GPC6: variants seen among roughly 807,000 people sequenced by gnomAD.
GPC6 encodes the protein glypican 6.
GPC6 carries 14 observed loss-of-function variants against 55.2 expected under a neutral mutation model. The observed-to-expected ratio is 0.25, with a 90% CI of 0.17 to 0.40. GPC6 has a LOEUF of 0.40. Among genes scored for constraint, GPC6 ranks in the 10% least tolerant of loss-of-function variants. GPC6 has a pLI of 1.00. For missense variants in GPC6, 641 were observed against 708.5 expected, an observed-to-expected ratio of 0.90 and a Z score of 1.08; for synonymous variants, 278 against 259.6, an observed-to-expected ratio of 1.07 and a Z score of -0.68.
At chr13:93,599,289 A>T (rs1261395341) in intron 2 of GPC6, among the ~76,000 whole-genome samples, 2 of 78,280 alleles carry the variant, frequency 2.6e-5, no homozygotes, top group Non-Finnish European at 3.6e-5. Context: ...ATATTGGTAA[A>T]AAAAAAAAAA....
chr13:94,230,957 G>C (rs1463934977), intron 4 of GPC6, among the ~76,000 whole-genome samples: 3 of 152,070 alleles, frequency 2.0e-5, no homozygotes, highest in African/African-American at 7.2e-5. Flanking sequence ...GTCAGGCTTG[G>C]GGGAAGGGAG....
chr13:94,030,103 T>C (rs543172878), intron 4 of GPC6, among the ~76,000 whole-genome samples: 102 of 151,592 alleles, frequency 6.7e-4, no homozygotes, highest in Non-Finnish European at 1.1e-3. Flanking sequence ...CCCGGGTTCA[T>C]GCCATTCTCC....
chr13:94,005,616 A>C (rs1881986280), intron 3 of GPC6, among the ~76,000 whole-genome samples: 1 of 152,208 alleles, frequency 6.6e-6, no homozygotes, highest in Non-Finnish European at 1.5e-5. Context: ...TGATATCAAC[A>C]AGCCAATTTA....
chr13:93,363,118 T>G lies in GPC6; in HGVS notation c.160+135502T>G, dbSNP rs539376124. Among the ~76,000 whole-genome samples the G allele has an allele frequency of 1.5e-3, 99 of 66,434 alleles. 2 individuals are homozygous for G. In the South Asian group the frequency reaches 0.051, roughly 34 times the overall value. The allele number at this position is 66,434 out of a possible 152,430, so 43.6% of individuals were successfully genotyped here. ...TTTTTTTTTCTTTCCTTTTTTTTTG[T>G]TTTTTTTTTTGTTTTTTTTAAAATT... On this transcript the variant is annotated intron_variant, in intron 1 of 8. Transcript: ENST00000377047.
chr13:93,778,237 T>C (rs1885528105), intron 2 of GPC6, among the ~76,000 whole-genome samples: 1 of 152,174 alleles, frequency 6.6e-6, no homozygotes, highest in Admixed American at 6.6e-5. Context: ...TTCAAAAGAA[T>C]GTTGTTCTCC....
chr13:94,286,117 T>G (rs149505601), intron 4 of GPC6, among the ~76,000 whole-genome samples: 1 of 152,232 alleles, frequency 6.6e-6, no homozygotes, highest in African/African-American at 2.4e-5. Flanking sequence ...TTTGGACTAA[T>G]TTTCTTATTT....
intron 2 of GPC6, among the ~76,000 whole-genome samples, chr13:93,613,530 AACACACACACAC>A (rs10573990): frequency 4.3e-5 from 6 of 139,908 alleles, no homozygotes; most frequent in Non-Finnish European, 7.6e-5. Flanking sequence ...ACACACACAA[AACACACACACAC>A]ACACACACAC....
chr13:93,280,940 T>G (rs539302760), intron 1 of GPC6, among the ~76,000 whole-genome samples: 1 of 152,308 alleles, frequency 6.6e-6, no homozygotes, highest in East Asian at 1.9e-4. Context: ...CAGGCTGTAA[T>G]GCTCGTCCCT....
intron 1 of GPC6, among the ~76,000 whole-genome samples, chr13:93,432,531 G>T (rs555261722): frequency 2.0e-5 from 3 of 152,148 alleles, no homozygotes; most frequent in African/African-American, 7.2e-5. Context: ...CTTCAAAGTT[G>T]CAGTCTTTCT....
chr13:93,349,539 G>A (rs1880555084), intron 1 of GPC6, among the ~76,000 whole-genome samples: 1 of 152,036 alleles, frequency 6.6e-6, no homozygotes, highest in African/African-American at 2.4e-5. Flanking sequence ...GACTATGTAG[G>A]CTGATACATC....
At chr13:93,895,939 TTAGA>T (rs1343691862) in intron 3 of GPC6, among the ~76,000 whole-genome samples, 3 of 151,994 alleles carry the variant, frequency 2.0e-5, no homozygotes, top group African/African-American at 7.2e-5. Context: ...AAAAGTCCAG[TTAGA>T]TAGAACAGAA....
intron 4 of GPC6, among the ~76,000 whole-genome samples, chr13:94,196,509 G>A (rs534042868): frequency 6.6e-6 from 1 of 152,284 alleles, no homozygotes; most frequent in East Asian, 1.9e-4. Context: ...AAGATGCCGG[G>A]TGGTTTCAGA....
intron 1 of GPC6, among the ~76,000 whole-genome samples, chr13:93,533,771 G>C (rs1393000668): frequency 6.6e-6 from 1 of 151,936 alleles, no homozygotes; most frequent in Non-Finnish European, 1.5e-5. Flanking sequence ...TCTTCTTCTT[G>C]AAGTTGCTCT....
chr13:93,416,855 AGAGGCTTGAC>A (rs1480326152), intron 1 of GPC6, among the ~76,000 whole-genome samples: 2 of 152,118 alleles, frequency 1.3e-5, no homozygotes, highest in Non-Finnish European at 2.9e-5. Flanking sequence ...AGTGATGTCC[AGAGGCTTGAC>A]AGCTAATAAA....
intron 4 of GPC6, among the ~76,000 whole-genome samples, chr13:94,082,868 C>G (rs1156393983): frequency 6.6e-6 from 1 of 152,186 alleles, no homozygotes; most frequent in African/African-American, 2.4e-5. Context: ...CAATTCGTCT[C>G]TAGTAATTCT....
chr13:94,143,379 G>C (rs556975777), intron 4 of GPC6, among the ~76,000 whole-genome samples: 1 of 152,054 alleles, frequency 6.6e-6, no homozygotes, highest in Non-Finnish European at 1.5e-5. Flanking sequence ...TTTTGACAGA[G>C]AGTATTTCTA....
chr13:93,356,854 G>A (rs1880865514), intron 1 of GPC6, among the ~76,000 whole-genome samples: 1 of 152,136 alleles, frequency 6.6e-6, no homozygotes, highest in African/African-American at 2.4e-5. Context: ...CTTGTTGGGA[G>A]ATGGATACAG....
chr13:94,265,016 C>T (rs1891756283), intron 4 of GPC6, among the ~76,000 whole-genome samples: 1 of 152,132 alleles, frequency 6.6e-6, no homozygotes, highest in Non-Finnish European at 1.5e-5. Context: ...CCACTGGGTC[C>T]TACCCACAAC....
At chr13:93,757,001 C>T (rs571598351) in intron 2 of GPC6, among the ~76,000 whole-genome samples, 4 of 152,120 alleles carry the variant, frequency 2.6e-5, no homozygotes, top group Non-Finnish European at 5.9e-5. Flanking sequence ...CATTTTACAT[C>T]GCAAAGATTC....
Sources: gnomAD v4.1 joint callset for allele counts (sites outside exome capture counted in the v4.1 genomes callset) on GRCh38, gnomAD v4.1.1 for gene constraint, MANE v1.5 for transcripts, NCBI Gene and HGNC (gene_info 2026-07-23, HGNC 2026-07-21) for gene names.